ARF4: variants seen among roughly 807,000 people sequenced by gnomAD.
The protein encoded by ARF4 is ARF GTPase 4.
ARF4 carries 5 observed loss-of-function variants against 24.3 expected under a neutral mutation model. The ratio of observed to expected loss-of-function variants is 0.21; its 90% CI spans 0.11 to 0.43. The LOEUF (loss-of-function observed/expected upper bound fraction) is 0.43. ARF4 is among the 20% of genes least tolerant of loss of function. The probability of loss-of-function intolerance (pLI) is 1.00; values close to 1 mark genes in which losing one functional copy is unlikely to be tolerated. For synonymous variants in ARF4, 62 were observed against 73.5 expected (o/e 0.84, Z 0.80); for missense variants, 107 against 213.0 (o/e 0.50, Z 3.10).
intron 1 of ARF4, among the ~76,000 whole-genome samples, chr3:57,589,037 G>A (rs891983971): frequency 6.6e-6 from 1 of 151,884 alleles, no homozygotes; most frequent in South Asian, 2.1e-4. Context: ...GAGAGGCGGA[G>A]GTCGCAGTGA....
intron 3 of ARF4, among the ~76,000 whole-genome samples, chr3:57,578,572 T>C (rs1240793329): frequency 1.3e-5 from 2 of 151,912 alleles, no homozygotes; most frequent in Non-Finnish European, 2.9e-5. Flanking sequence ...CTTGACCCCC[T>C]GGGCTCAAAT....
At chr3:57,573,303 C>T (rs1004443360) in intron 5 of ARF4, among the ~76,000 whole-genome samples, 18 of 151,936 alleles carry the variant, frequency 1.2e-4, no homozygotes, top group Admixed American at 3.9e-4. Context: ...CATTCCAAAA[C>T]GTTCTTGCTT....
At chr3:57,579,133 C>T (rs1174221875) in intron 3 of ARF4, among the ~76,000 whole-genome samples, 1 of 146,540 alleles carries the variant, frequency 6.8e-6, no homozygotes, top group Non-Finnish European at 1.5e-5. Flanking sequence ...ACTAAAAATA[C>T]AAAAATTAGC....
intron 1 of ARF4, among the ~76,000 whole-genome samples, chr3:57,590,246 G>C (rs2070095972): frequency 6.6e-6 from 1 of 151,980 alleles, no homozygotes; most frequent in Non-Finnish European, 1.5e-5. Context: ...CAGCACTTTG[G>C]GAGGCTGAGG....
intron 4 of ARF4, 24 bp from the exon 5 acceptor site, chr3:57,575,697 A>G (rs1304534080): frequency 6.3e-7 from 1 of 1,589,612 alleles, no homozygotes; most frequent in South Asian, 1.1e-5. Flanking sequence ...GTAAGGCATT[A>G]ACAACTACCA....
At chr3:57,586,718 A>C (rs1559785775) in intron 1 of ARF4, among the ~76,000 whole-genome samples, 1 of 152,170 alleles carries the variant, frequency 6.6e-6, no homozygotes, top group Non-Finnish European at 1.5e-5. Context: ...AAAATCAGAA[A>C]ACATAATTCT....
chr3:57,594,125 G>A (rs969865880), intron 1 of ARF4, among the ~76,000 whole-genome samples: 3 of 151,956 alleles, frequency 2.0e-5, no homozygotes, highest in Non-Finnish European at 4.4e-5. Context: ...GCTTGGTGGC[G>A]GGCGCTTGTA....
Position 57,584,620 on chromosome 3 carries a change from G to A in ARF4, c.68-156C>T, listed in dbSNP as rs1179176246. On this transcript the variant is annotated intron_variant, in intron 1 of 5. Transcript: ENST00000303436. ...ATGACCTTATTTCTGATTCCCAAAGGCAACACTTCCTACAGAAAGCCTTTC... is the reference window on the plus strand; with the variant it reads ...ATGACCTTATTTCTGATTCCCAAAGACAACACTTCCTACAGAAAGCCTTTC... Among the ~76,000 whole-genome samples the A allele has an allele frequency of 2.6e-5, 4 of 152,026 alleles. No individual in the cohort carries two copies. In the East Asian group the frequency reaches 7.7e-4, roughly 29 times the overall value.
Position 57,597,197 on chromosome 3 carries a change from C to G in ARF4, c.-57G>C. 1 of 1,518,588 alleles carries G rather than the reference C, an allele frequency of 6.6e-7. No individual in the cohort carries two copies. Among genetic ancestry groups the G allele is most frequent in the East Asian group, 2.3e-5 (1 of 43,934 alleles). 94.1% of individuals were successfully genotyped at this position (1,518,588 alleles called of 1,614,324 possible). On this transcript the variant is annotated 5_prime_UTR_variant, in exon 1 of 6. Coordinates refer to ENST00000303436, the MANE Select transcript of ARF4 (RefSeq NM_001660.4). ...AGAAGGGGTTTGGGGCGACCCCGTG[C>G]TTTCTCCTTTCAAGCTCCCAGGCAA...
In ARF4 at chr3:57,572,136, G is replaced by T. The variant is rs968934455; in HGVS notation, c.*76C>A. On this transcript the variant is annotated 3_prime_UTR_variant, in exon 6 of 6. Transcript: ENST00000303436. ...GTCCCAGATACTGTTTAATAACCAAGATACAAACTAATTTTGTTGTAACAA... is the reference window on the plus strand; with the variant it reads ...GTCCCAGATACTGTTTAATAACCAATATACAAACTAATTTTGTTGTAACAA... 8.6e-7 allele frequency: 1 copy of T among 1,159,184 alleles called. No homozygotes were observed. Among genetic ancestry groups the T allele is most frequent in the Admixed American group, 1.7e-5 (1 of 58,704 alleles). The allele number at this position is 1,159,184 out of a possible 1,614,324, so 71.8% of individuals were successfully genotyped here.
chr3:57,573,558 A>C (rs1275665101), intron 5 of ARF4, among the ~76,000 whole-genome samples: 1 of 152,150 alleles, frequency 6.6e-6, no homozygotes, highest in Non-Finnish European at 1.5e-5. Context: ...ATTTACAGTT[A>C]GTGTTGCTTG....
At chr3:57,577,268 C>A in intron 4 of ARF4, 48 bp downstream of exon 4, 1 of 1,497,538 alleles carries the variant, frequency 6.7e-7, no homozygotes, top group Non-Finnish European at 9.3e-7. Context: ...CCAGTTTAAT[C>A]CAGAAAAGCA....
chr3:57,582,939 ATTTTGCCCC>A (rs1205278689), intron 3 of ARF4, among the ~76,000 whole-genome samples: 1 of 152,152 alleles, frequency 6.6e-6, no homozygotes, highest in Admixed American at 6.6e-5. Flanking sequence ...GCAGGGAGCA[ATTTTGCCCC>A]CAGGGGATAT....
At chr3:57,578,641 A>C (rs1176595236) in intron 3 of ARF4, among the ~76,000 whole-genome samples, 1 of 151,952 alleles carries the variant, frequency 6.6e-6, no homozygotes, top group Non-Finnish European at 1.5e-5. Context: ...CACCACACCT[A>C]GCTAATTTTT....
chr3:57,572,561 TTTAGA>T (rs1276793955), intron 5 of ARF4, among the ~76,000 whole-genome samples: 1 of 152,114 alleles, frequency 6.6e-6, no homozygotes, highest in Non-Finnish European at 1.5e-5. Context: ...TCTCTACTTT[TTTAGA>T]TTAAATTATT....
chr3:57,578,819 T>C (rs991080200), intron 3 of ARF4, among the ~76,000 whole-genome samples: 3 of 151,186 alleles, frequency 2.0e-5, no homozygotes, highest in Non-Finnish European at 4.4e-5. Context: ...TGGAAGGAAT[T>C]AGGAAGCAAC....
chr3:57,572,439 G>A, intron 5 of ARF4, 141 bp from the exon 6 acceptor site: 1 of 618,374 alleles, frequency 1.6e-6, no homozygotes, highest in Non-Finnish European at 2.8e-6. Context: ...GCTACTTCTG[G>A]CTGGGCGTGG....
intron 5 of ARF4, among the ~76,000 whole-genome samples, chr3:57,572,909 T>A (rs962853315): frequency 1.3e-5 from 2 of 151,176 alleles, no homozygotes; most frequent in Admixed American, 1.3e-4. Flanking sequence ...TTTGAAAGAG[T>A]AGGGTTTGTT....
At chr3:57,595,578 T>C (rs2070170940) in intron 1 of ARF4, among the ~76,000 whole-genome samples, 1 of 152,226 alleles carries the variant, frequency 6.6e-6, no homozygotes, top group Non-Finnish European at 1.5e-5. Context: ...AGCCAATGTA[T>C]ATACTGTTAC....
Sources: gnomAD v4.1 joint callset for allele counts (sites outside exome capture counted in the v4.1 genomes callset) on GRCh38, gnomAD v4.1.1 for gene constraint, MANE v1.5 for transcripts, NCBI Gene and HGNC (gene_info 2026-07-23, HGNC 2026-07-21) for gene names.